Variants in CNTN6 observed in about 807,000 individuals in gnomAD.
CNTN6 encodes contactin-6.
A neutral mutation model predicts 122.8 loss-of-function variants in CNTN6; 137 were observed. The ratio of observed to expected loss-of-function variants is 1.12; its 90% CI spans 0.97 to 1.29. CNTN6 has a LOEUF of 1.29. CNTN6 is among the 50% of genes most tolerant of loss of function. The pLI is 0.00. For missense variants in CNTN6, 1,634 were observed against 1,223.4 expected (o/e 1.34, Z -5.01); for synonymous variants, 570 against 426.0 (o/e 1.34, Z -4.16).
At chr3:1,317,443 A>T (rs1700246865) in intron 7 of CNTN6, among the ~76,000 whole-genome samples, 1 of 151,774 alleles carries the variant, frequency 6.6e-6, no homozygotes, top group Non-Finnish European at 1.5e-5. Flanking sequence ...AAAAAATAAT[A>T]TATTGGCTAA....
At chr3:1,125,530 T>G (rs1441002352) in intron 1 of CNTN6, among the ~76,000 whole-genome samples, 1 of 151,820 alleles carries the variant, frequency 6.6e-6, no homozygotes, top group Non-Finnish European at 1.5e-5. Context: ...GCAATGTGAG[T>G]ATTATGCAGG....
chr3:1,162,058 A>AT (rs1321917585), intron 2 of CNTN6, among the ~76,000 whole-genome samples: 1 of 152,150 alleles, frequency 6.6e-6, no homozygotes, highest in African/African-American at 2.4e-5. Context: ...TTCCTCCCTC[A>AT]TAAAAAATCA....
At chr3:1,123,074 A>C (rs1477924617) in intron 1 of CNTN6, among the ~76,000 whole-genome samples, 1 of 151,868 alleles carries the variant, frequency 6.6e-6, no homozygotes, top group Non-Finnish European at 1.5e-5. Flanking sequence ...TAAAACTGGG[A>C]AGTATAAGTC....
intron 4 of CNTN6, among the ~76,000 whole-genome samples, chr3:1,251,841 T>TA (rs2094675785): frequency 6.6e-6 from 1 of 152,148 alleles, no homozygotes; most frequent in Admixed American, 6.5e-5. Flanking sequence ...CCCTTTAATA[T>TA]AATTTATGTT....
chr3:1,402,905 T>G (rs1488860531), intron 22 of CNTN6: 1 of 193,188 alleles, frequency 5.2e-6, no homozygotes, highest in Non-Finnish European at 1.1e-5. Flanking sequence ...CATAAGGAGC[T>G]GAGTCACAAC....
chr3:1,347,928 CTT>C (rs1704987204), intron 11 of CNTN6, among the ~76,000 whole-genome samples: 1 of 151,784 alleles, frequency 6.6e-6, no homozygotes, highest in African/African-American at 2.4e-5. Context: ...TCTCAGGCCT[CTT>C]TGTTCAAAAT....
intron 4 of CNTN6, among the ~76,000 whole-genome samples, chr3:1,249,589 C>T (rs777408417): frequency 3.3e-5 from 5 of 152,154 alleles, no homozygotes; most frequent in South Asian, 2.1e-4. Flanking sequence ...CATCTATAGA[C>T]GTGATTTAAC....
chr3:1,223,821 C>G (rs1006666530), intron 3 of CNTN6, among the ~76,000 whole-genome samples: 4 of 152,158 alleles, frequency 2.6e-5, no homozygotes, highest in Non-Finnish European at 4.4e-5. Context: ...AGCTCTAGGC[C>G]TCTAAGAAAA....
At chr3:1,218,384 CTG>C (rs1241848918) in intron 2 of CNTN6, among the ~76,000 whole-genome samples, 1 of 152,092 alleles carries the variant, frequency 6.6e-6, no homozygotes, top group African/African-American at 2.4e-5. Context: ...AGGAATATGT[CTG>C]TGTACCAAGT....
At chr3:1,339,686 C>T (rs1703605880) in intron 11 of CNTN6, among the ~76,000 whole-genome samples, 1 of 152,026 alleles carries the variant, frequency 6.6e-6, no homozygotes, top group Admixed American at 6.6e-5. Context: ...TATTTGGTAT[C>T]CAGACTTGGT....
In CNTN6 at chr3:1,296,955, A is replaced by G. The variant is rs1188056777; in HGVS notation, c.659-934A>G. Among the ~76,000 whole-genome samples the G allele has an allele frequency of 2.6e-5, 4 of 152,198 alleles. No homozygotes were observed. In the East Asian group the frequency reaches 7.7e-4, roughly 29 times the overall value. ...CCTTGAATACATTTACAGGAAAAAT[A>G]GAGCAGAAGTATTATATATAATATA... On this transcript the variant is annotated intron_variant, in intron 6 of 22. Transcript: ENST00000446702.
At chr3:1,103,039 G>C (rs1230092361) in intron 1 of CNTN6, among the ~76,000 whole-genome samples, 1 of 151,588 alleles carries the variant, frequency 6.6e-6, no homozygotes, top group Non-Finnish European at 1.5e-5. Context: ...CCGGGAGGCG[G>C]AGCTTGCAGT....
chr3:1,132,658 A>AAAATAAATAAATAAATAAATAAATAAAT (rs71303111), intron 1 of CNTN6, among the ~76,000 whole-genome samples: 17 of 144,402 alleles, frequency 1.2e-4, no homozygotes, highest in African/African-American at 2.6e-4. Flanking sequence ...CTCTGTCTAA[A>AAAATAAATAAATAAATAAATAAATAAAT]AAATAAATAA....
chr3:1,295,705 G>C lies in CNTN6; in HGVS notation c.559G>C (p.Glu187Gln). Residue 187 changes from glutamate (E) to glutamine (Q), a missense_variant, in exon 6 of 23, where the codon GAA becomes CAA. Physicochemically the swap from Glu to Gln is conservative, Grantham distance 29 (BLOSUM62 2). Coordinates refer to ENST00000446702, the MANE Select transcript of CNTN6 (RefSeq NM_001289080.2). The stretch of plus-strand genomic sequence containing the variant: ...GGGAAACTTGTACATTGCCAAAGTG[G>C]AACCATCAGATGTGGGCAACTACAC... ...ETGNLYIAKV[E>Q]PSDVGNYTCF... 6.2e-7 allele frequency: 1 copy of C among 1,614,042 alleles called. No homozygotes were observed.
intron 2 of CNTN6, among the ~76,000 whole-genome samples, chr3:1,195,722 T>C (rs918559440): frequency 1.3e-5 from 2 of 152,162 alleles, no homozygotes; most frequent in African/African-American, 2.4e-5. Context: ...TTCAGGCATA[T>C]ATTTATAGTC....
At chr3:1,107,293 G>T (rs1172157723) in intron 1 of CNTN6, among the ~76,000 whole-genome samples, 1 of 151,998 alleles carries the variant, frequency 6.6e-6, no homozygotes, top group Non-Finnish European at 1.5e-5. Context: ...ATGTCATATG[G>T]TTTAAAATTA....
intron 1 of CNTN6, among the ~76,000 whole-genome samples, chr3:1,107,257 C>T (rs2091270386): frequency 6.6e-6 from 1 of 152,022 alleles, no homozygotes; most frequent in Non-Finnish European, 1.5e-5. Context: ...ATTTTTCACA[C>T]AAAAGCCAGA....
At chr3:1,138,612 A>G (rs2092539845) in intron 1 of CNTN6, among the ~76,000 whole-genome samples, 1 of 152,072 alleles carries the variant, frequency 6.6e-6, no homozygotes, top group African/African-American at 2.4e-5. Flanking sequence ...ACATTAAAAA[A>G]GGGTTTTTTC....
At chr3:1,161,562 C>T (rs1025671798) in intron 2 of CNTN6, among the ~76,000 whole-genome samples, 1 of 151,604 alleles carries the variant, frequency 6.6e-6, no homozygotes, top group Non-Finnish European at 1.5e-5. Flanking sequence ...TATATGCACA[C>T]AAATATATGT....
Sources: allele counts gnomAD v4.1 joint callset (sites outside exome capture counted in the v4.1 genomes callset), GRCh38; gene constraint gnomAD v4.1.1; transcripts MANE v1.5; gene names NCBI Gene and HGNC (gene_info 2026-07-23, HGNC 2026-07-21).